Variants in INTS1 observed in about 807,000 individuals in gnomAD.
The protein encoded by INTS1 is integrator complex subunit 1.
Under a neutral mutation model 241.6 loss-of-function variants are expected in INTS1, and 137 were observed. That is an observed-to-expected ratio of 0.57 (90% CI 0.49 to 0.65). INTS1 has a LOEUF of 0.65. Ranked by LOEUF, INTS1 falls within the 30% of genes least tolerant of loss-of-function variation. The pLI is 0.00. For missense variants in INTS1, 3,073 were observed against 3,032.2 expected (o/e 1.01, Z -0.32); for synonymous variants, 1,692 against 1,337.8 (o/e 1.26, Z -5.78).
chr7:1,481,162 C>T lies in INTS1; in HGVS notation c.3850+180G>A, dbSNP rs1364356941. Reference sequence around the variant, plus strand: ...CCAGGGTTGGGGCAGGCCCAGGCCTCGGCTCCCTCCTGACTGTGCCAGCCT... The same window carrying T: ...CCAGGGTTGGGGCAGGCCCAGGCCTTGGCTCCCTCCTGACTGTGCCAGCCT... On this transcript the variant is annotated intron_variant, in intron 28 of 47. Transcript: ENST00000404767. The surrounding 1 kb of genome is among the most constrained non-coding windows in gnomAD (Gnocchi z 6.8). The T allele has an allele frequency of 1.1e-5, 9 of 799,442 alleles. No individual in the cohort carries two copies. Among genetic ancestry groups the T allele is most frequent in the African/African-American group, 1.7e-5 (1 of 58,872 alleles). The allele number at this position is 799,442 out of a possible 1,614,324, so 49.5% of individuals were successfully genotyped here.
intron 29 of INTS1, 108 bp downstream of exon 29, chr7:1,480,727 C>T (rs1781952384): frequency 1.1e-6 from 1 of 905,610 alleles, no homozygotes; most frequent in Non-Finnish European, 1.7e-6. Flanking sequence ...GTGTGCACTG[C>T]CCTGTGTGGC....
intron 19 of INTS1, 101 bp from the exon 20 acceptor site, chr7:1,487,550 C>G: frequency 6.9e-7 from 1 of 1,444,268 alleles, no homozygotes; most frequent in Non-Finnish European, 9.3e-7. Context: ...GCCGACAGCC[C>G]GAGACGGGCA....
At chr7:1,502,317 G>A (rs910646862) in intron 3 of INTS1, among the ~76,000 whole-genome samples, 6 of 152,126 alleles carry the variant, frequency 3.9e-5, no homozygotes, top group Non-Finnish European at 5.9e-5. Flanking sequence ...AGAAATGGTC[G>A]TTGGGAAAAT....
Position 1,472,294 on chromosome 7 carries a change from A to C in INTS1, c.6163T>G (p.Ser2055Ala), listed in dbSNP as rs758267097. The change falls in exon 44 of 48, where the codon TCC (serine) becomes GCC (alanine). Residue 2055 changes from serine (S) to alanine (A), a missense_variant. Physicochemically the swap from Ser to Ala is moderately conservative, Grantham distance 99. Transcript: ENST00000404767. ...AEMAPYMKRL[S>A]RGQTVEDLLE... ...TCACCCTCCACCGTTTGGCCCCGGG[A>C]AAGCCGTTTCATGTAGGGGGCCATC... 1 of 1,558,982 alleles carries C rather than the reference A, an allele frequency of 6.4e-7. No individual in the cohort carries two copies. The highest frequency in any genetic ancestry group is 8.7e-7 in the Non-Finnish European group (1 of 1,152,036).
rs751278284 is a variant in INTS1, at chr7:1,472,353, C to A, written c.6104G>T (p.Ser2035Ile). ...ESSAGSLPLV[S>I]VSLFTPLTAA... ...GGTCAGAGGGGTGAACAGGGAGACG[C>A]TGACCAGGGGCAAGGAGCCGGCTGA... Residue 2035 changes from serine (S) to isoleucine (I), a missense_variant, in exon 44 of 48, where the codon AGC becomes ATC. Physicochemically the swap from Ser to Ile is moderately radical, Grantham distance 142. Coordinates refer to ENST00000404767, the MANE Select transcript of INTS1 (RefSeq NM_001080453.3). 4.5e-6 allele frequency: 7 copies of A among 1,571,820 alleles called. No homozygotes were observed. Among genetic ancestry groups the A allele is most frequent in the Non-Finnish European group, 4.3e-6 (5 of 1,159,130 alleles).
chr7:1,482,748 G>A (rs370725267), intron 26 of INTS1, 41 bp from the exon 27 acceptor site: 72 of 1,601,294 alleles, frequency 4.5e-5, no homozygotes, highest in African/African-American at 1.5e-4. Context: ...CAGACCCACC[G>A]GGGCCCAGCC....
chr7:1,490,369 C>T (rs1291067695), intron 16 of INTS1, among the ~76,000 whole-genome samples: 1 of 152,162 alleles, frequency 6.6e-6, no homozygotes, highest in South Asian at 2.1e-4. Flanking sequence ...AGGGTGTCAC[C>T]TCTGCATAAA....
chr7:1,503,327 A>T (rs907652724), intron 2 of INTS1, 136 bp from the exon 3 acceptor site: 2 of 860,336 alleles, frequency 2.3e-6, no homozygotes, highest in African/African-American at 1.7e-5. Context: ...GAGCTCACTC[A>T]GCAGCCTACA....
chr7:1,473,266 G>T, intron 42 of INTS1, 82 bp from the exon 43 acceptor site: 1 of 950,144 alleles, frequency 1.1e-6, no homozygotes, highest in Non-Finnish European at 1.6e-6. Flanking sequence ...AGGGTGGCAT[G>T]GGAGCGTGTG....
chr7:1,475,241 T>C (rs974950314), intron 39 of INTS1, among the ~76,000 whole-genome samples: 1 of 151,772 alleles, frequency 6.6e-6, no homozygotes, highest in African/African-American at 2.4e-5. Context: ...AAAGAGTAAC[T>C]GGGTGTGGTG....
rs1182873636 is a variant in INTS1 at position 1,476,358 on chromosome 7, C to T, written c.5249G>A (p.Gly1750Glu). The T allele has an allele frequency of 1.3e-6, 2 of 1,577,514 alleles. No homozygotes were observed. The highest frequency in any genetic ancestry group is 2.3e-5 in the South Asian group (2 of 86,476). ...GATGAGGCTGCAGGCGGCTGTGTCCCCGTCCTGGCTCCGCGTCTCCGCCTC... is the reference window on the plus strand; with the variant it reads ...GATGAGGCTGCAGGCGGCTGTGTCCTCGTCCTGGCTCCGCGTCTCCGCCTC... ...LAEAETRSQD[G>E]DTAACSLIQA... The change falls in exon 38 of 48, where the codon GGG becomes GAG. Residue 1750 changes from glycine to glutamate, a missense_variant. Gly to Glu is a moderately conservative substitution (Grantham distance 98). Transcript: ENST00000404767.
At chr7:1,503,720 A>C (rs1035625194) in intron 2 of INTS1, among the ~76,000 whole-genome samples, 183 bp downstream of exon 2, 1 of 152,188 alleles carries the variant, frequency 6.6e-6, no homozygotes, top group Non-Finnish European at 1.5e-5. Context: ...CACTGTCCCA[A>C]GCCTCCCAGG....
At chr7:1,502,181 T>C (rs1244577126) in intron 3 of INTS1, among the ~76,000 whole-genome samples, 2 of 152,058 alleles carry the variant, frequency 1.3e-5, no homozygotes, top group Non-Finnish European at 2.9e-5. Context: ...CTTGTTCTTT[T>C]TGACTCCTAC....
In INTS1 at chr7:1,497,839, T is replaced by C. The variant is rs1400526431; in HGVS notation, c.1426-525A>G. ...CGATGGGAGCATCTCCCGAGCCCGC[T>C]TCAAAGGAGACACGGAAATCCAAGG... On this transcript the variant is annotated intron_variant, in intron 10 of 47. Coordinates refer to ENST00000404767, the MANE Select transcript of INTS1 (RefSeq NM_001080453.3). This position sits in a 1 kb window ranked among gnomAD's most constrained non-coding sequence, Gnocchi z 5.3. Among the ~76,000 whole-genome samples the C allele has an allele frequency of 6.6e-6, 1 of 152,112 alleles. No individual in the cohort carries two copies. Among genetic ancestry groups the C allele is most frequent in the Non-Finnish European group, 1.5e-5 (1 of 68,030 alleles).
In INTS1 at chr7:1,499,597, C is replaced by A; in HGVS notation, c.720G>T (p.Trp240Cys). Residue 240 changes from tryptophan to cysteine, a missense_variant, in exon 6 of 48, where the codon TGG becomes TGT. Coordinates refer to ENST00000404767, the MANE Select transcript of INTS1 (RefSeq NM_001080453.3). ...YIEDSLGERI[W>C]VDSPHCKTFV... Reference sequence around the variant, plus strand: ...ACGTCTTACAGTGAGGGCTGTCCACCCAGATCCGCTCCCCCAGGGAGTCCT... The same window carrying A: ...ACGTCTTACAGTGAGGGCTGTCCACACAGATCCGCTCCCCCAGGGAGTCCT... 1.2e-6 allele frequency: 2 copies of A among 1,613,238 alleles called. No individual in the cohort carries two copies. The highest frequency in any genetic ancestry group is 1.7e-6 in the Non-Finnish European group (2 of 1,179,556).
intron 7 of INTS1, 36 bp from the exon 8 acceptor site, chr7:1,499,197 G>A (rs1485617347): frequency 8.1e-6 from 13 of 1,604,090 alleles, no homozygotes; most frequent in African/African-American, 1.3e-5. Flanking sequence ...GGAGGAAGGT[G>A]GCCCCGAGGC....
chr7:1,496,120 C>T, intron 12 of INTS1, 36 bp downstream of exon 12: 1 of 1,557,392 alleles, frequency 6.4e-7, no homozygotes, highest in South Asian at 1.1e-5. Flanking sequence ...CCCGAGACCC[C>T]CACCAAGCAG....
intron 31 of INTS1, 72 bp downstream of exon 31, chr7:1,479,358 C>G: frequency 1.3e-6 from 2 of 1,494,892 alleles, no homozygotes; most frequent in African/African-American, 2.8e-5. Flanking sequence ...AGTCACAGGA[C>G]ACCCGGGCCG....
intron 6 of INTS1, 55 bp downstream of exon 6, chr7:1,499,418 C>T: frequency 6.4e-7 from 1 of 1,551,386 alleles, no homozygotes; most frequent in Non-Finnish European, 8.7e-7. Context: ...CCTCCCACCC[C>T]TCCCCTGCCC....
Sources: allele counts gnomAD v4.1 joint callset (sites outside exome capture counted in the v4.1 genomes callset), GRCh38; gene constraint gnomAD v4.1.1; non-coding constraint Gnocchi (gnomAD v3.1); transcripts MANE v1.5; gene names NCBI Gene and HGNC (gene_info 2026-07-23, HGNC 2026-07-21).